SPAG16: variants seen among roughly 807,000 people sequenced by gnomAD.
SPAG16 encodes the protein sperm associated antigen 16.
SPAG16 carries 86 observed loss-of-function variants against 80.4 expected under a neutral mutation model. The ratio of observed to expected loss-of-function variants is 1.07; its 90% CI spans 0.90 to 1.28. The LOEUF is 1.28. Among genes scored for constraint, SPAG16 ranks in the 50% most tolerant of loss-of-function variants. SPAG16 has a pLI of 0.00. For missense variants in SPAG16, 870 were observed against 765.3 expected, an observed-to-expected ratio of 1.14 and a Z score of -1.61; for synonymous variants, 294 against 265.9, an observed-to-expected ratio of 1.11 and a Z score of -1.03.
intron 15 of SPAG16, among the ~76,000 whole-genome samples, chr2:214,324,133 TC>T (rs1257350416): frequency 3.1e-4 from 47 of 152,294 alleles, no homozygotes; most frequent in Non-Finnish European, 5.0e-4. Context: ...GCCTCTAGAA[TC>T]AGTGAGCTGC....
At chr2:213,472,841 T>A (rs2073159855) in intron 9 of SPAG16, among the ~76,000 whole-genome samples, 1 of 152,218 alleles carries the variant, frequency 6.6e-6, no homozygotes, top group Admixed American at 6.5e-5. Context: ...TGACCATTAG[T>A]CCCCGAATTA....
At chr2:213,716,794 G>C (rs990189018) in intron 10 of SPAG16, among the ~76,000 whole-genome samples, 2 of 152,082 alleles carry the variant, frequency 1.3e-5, no homozygotes, top group Non-Finnish European at 2.9e-5. Context: ...CTATCGGTAG[G>C]ACCTGGAGTT....
intron 10 of SPAG16, among the ~76,000 whole-genome samples, chr2:213,597,012 G>T (rs544680985): frequency 1.3e-5 from 2 of 152,166 alleles, no homozygotes; most frequent in African/African-American, 4.8e-5. Context: ...GAATGCAAGT[G>T]AAAAAGACAT....
intron 9 of SPAG16, among the ~76,000 whole-genome samples, chr2:213,391,406 G>A (rs989025266): frequency 1.3e-5 from 2 of 152,110 alleles, no homozygotes; most frequent in African/African-American, 2.4e-5. Context: ...ATTGTATTAT[G>A]TACTTTGGCA....
intron 10 of SPAG16, among the ~76,000 whole-genome samples, chr2:213,507,091 G>T (rs2074998249): frequency 6.6e-6 from 1 of 152,204 alleles, no homozygotes; most frequent in Non-Finnish European, 1.5e-5. Context: ...TGTTACCAGG[G>T]AGAATGACCA....
chr2:213,895,013 A>AAAAAC (rs2076939351), intron 11 of SPAG16, among the ~76,000 whole-genome samples: 1 of 137,060 alleles, frequency 7.3e-6, no homozygotes, highest in Non-Finnish European at 1.6e-5. Flanking sequence ...AAAAAAAAAA[A>AAAAAC]AAAAAACTGA....
intron 11 of SPAG16, among the ~76,000 whole-genome samples, chr2:213,893,490 C>A (rs2076867817): frequency 6.6e-6 from 1 of 152,020 alleles, no homozygotes; most frequent in Non-Finnish European, 1.5e-5. Context: ...ACAGTTCTAT[C>A]AAAAACAATA....
chr2:213,857,979 G>A (rs1353402080), intron 10 of SPAG16, among the ~76,000 whole-genome samples: 1 of 152,150 alleles, frequency 6.6e-6, no homozygotes, highest in Non-Finnish European at 1.5e-5. Context: ...ATAATTAGAA[G>A]TGCATCCTGA....
chr2:214,096,129 G>A (rs1375258921), intron 13 of SPAG16, among the ~76,000 whole-genome samples: 1 of 151,702 alleles, frequency 6.6e-6, no homozygotes, highest in African/African-American at 2.4e-5. Flanking sequence ...GGCTTATCAG[G>A]GGCAAGTGAG....
intron 10 of SPAG16, among the ~76,000 whole-genome samples, chr2:213,549,028 C>T (rs2076704000): frequency 6.6e-6 from 1 of 151,630 alleles, no homozygotes; most frequent in Non-Finnish European, 1.5e-5. Flanking sequence ...ATTCTTTTCT[C>T]GTTATATTTA....
At chr2:214,194,535 T>G (rs1329748489) in intron 15 of SPAG16, among the ~76,000 whole-genome samples, 1 of 152,072 alleles carries the variant, frequency 6.6e-6, no homozygotes, top group African/African-American at 2.4e-5. Context: ...TCTTCAAATT[T>G]GTGTCTGTTT....
chr2:214,204,079 T>C (rs2058081386), intron 15 of SPAG16, among the ~76,000 whole-genome samples: 1 of 152,086 alleles, frequency 6.6e-6, no homozygotes, highest in Admixed American at 6.5e-5. Flanking sequence ...CCTGGTGACT[T>C]GCATGATGCA....
chr2:213,684,200 G>T (rs1028584992), intron 10 of SPAG16, among the ~76,000 whole-genome samples: 15 of 152,164 alleles, frequency 9.9e-5, no homozygotes, highest in Non-Finnish European at 1.8e-4. Context: ...TGCTAATAAA[G>T]ATCAAAATAT....
In SPAG16 at chr2:214,089,281, A is replaced by G. The variant is rs375286184; in HGVS notation, c.1528-18915A>G. ...AGGCATTTGTAATAGATACAAGTAA[A>G]GTTTAGCAAATTAAAAATTGATAAA... On this transcript the variant is annotated intron_variant, in intron 13 of 15. Transcript: ENST00000331683. Among the ~76,000 whole-genome samples, 26 of 152,200 alleles carry G rather than the reference A, an allele frequency of 1.7e-4. 1 individual carries two copies. In the East Asian group the frequency reaches 4.3e-3, roughly 25 times the overall value.
At chr2:213,724,662 C>T (rs2066674074) in intron 10 of SPAG16, among the ~76,000 whole-genome samples, 1 of 151,186 alleles carries the variant, frequency 6.6e-6, no homozygotes, top group Non-Finnish European at 1.5e-5. Flanking sequence ...CCTGTAGTCC[C>T]AGCTACTTGG....
chr2:213,903,502 G>A (rs1214028773), intron 11 of SPAG16, among the ~76,000 whole-genome samples: 1 of 152,128 alleles, frequency 6.6e-6, no homozygotes, highest in Admixed American at 6.5e-5. Flanking sequence ...GGAACAGCTG[G>A]GATGCAGGGC....
intron 10 of SPAG16, among the ~76,000 whole-genome samples, chr2:213,715,487 T>C (rs1439759644): frequency 6.6e-6 from 1 of 152,168 alleles, no homozygotes; most frequent in African/African-American, 2.4e-5. Flanking sequence ...GAAAATAGCT[T>C]GGGTTCTAGC....
At chr2:213,639,763 C>G (rs1173578459) in intron 10 of SPAG16, among the ~76,000 whole-genome samples, 1 of 152,130 alleles carries the variant, frequency 6.6e-6, no homozygotes, top group Non-Finnish European at 1.5e-5. Context: ...GTTCTTTGAG[C>G]TTCTTGTACT....
intron 15 of SPAG16, among the ~76,000 whole-genome samples, chr2:214,231,565 T>C (rs1688707132): frequency 6.6e-6 from 1 of 152,068 alleles, no homozygotes; most frequent in Non-Finnish European, 1.5e-5. Flanking sequence ...TCTATTTTCC[T>C]ATTAAAATAA....
Sources: gnomAD v4.1 joint callset for allele counts (sites outside exome capture counted in the v4.1 genomes callset) on GRCh38, gnomAD v4.1.1 for gene constraint, MANE v1.5 for transcripts, NCBI Gene and HGNC (gene_info 2026-07-23, HGNC 2026-07-21) for gene names.